The following FRYL variants were observed in gnomAD, a reference collection of about 807,000 sequenced individuals.
FRYL encodes protein furry homolog-like.
In FRYL, 150 loss-of-function variants were observed where a neutral mutation model predicts 351.2. The observed-to-expected ratio is 0.43, with a 90% CI of 0.37 to 0.49. The LOEUF is 0.49. Ranked by LOEUF, FRYL falls within the 20% of genes least tolerant of loss-of-function variation. The pLI is 0.00. For synonymous variants in FRYL, 1,153 were observed against 1,257.1 expected, an observed-to-expected ratio of 0.92 and a Z score of 1.75; for missense variants, 3,036 against 3,619.3, an observed-to-expected ratio of 0.84 and a Z score of 4.13.
At chr4:48,579,585 CT>C (rs1435914052) in intron 22 of FRYL, among the ~76,000 whole-genome samples, 6 of 152,166 alleles carry the variant, frequency 3.9e-5, no homozygotes, top group Non-Finnish European at 8.8e-5. Context: ...GAACCATTAA[CT>C]TTCATGTTGA....
At chr4:48,759,086 T>C (rs1774138121) in intron 1 of FRYL, among the ~76,000 whole-genome samples, 1 of 151,640 alleles carries the variant, frequency 6.6e-6, no homozygotes. Context: ...TGTCATGGCG[T>C]TGGGGGAAGG....
At chr4:48,541,042 AAT>A in intron 45 of FRYL, 82 bp from the exon 46 acceptor site, 1 of 1,306,498 alleles carries the variant, frequency 7.7e-7, no homozygotes, top group Non-Finnish European at 1.0e-6. Context: ...AACACTGAAA[AAT>A]AGTAACTGGT....
At chr4:48,561,324 T>C in intron 33 of FRYL, 144 bp downstream of exon 33, 1 of 515,278 alleles carries the variant, frequency 1.9e-6, no homozygotes, top group Non-Finnish European at 3.2e-6. Context: ...TTAAGAGTTC[T>C]TATTGAAGAA....
chr4:48,645,968 T>C (rs1307417960), intron 3 of FRYL: 5 of 152,192 alleles, frequency 3.3e-5, no homozygotes, highest in Non-Finnish European at 7.3e-5. Flanking sequence ...ACGATATTAC[T>C]AAGGCTATGT....
At chr4:48,581,273 G>T in intron 21 of FRYL, 147 bp downstream of exon 21, 1 of 616,046 alleles carries the variant, frequency 1.6e-6, no homozygotes. Context: ...TCCTGATCTC[G>T]TGATCCGCCC....
intron 2 of FRYL, among the ~76,000 whole-genome samples, chr4:48,701,197 T>C (rs1766676770): frequency 6.6e-6 from 1 of 152,204 alleles, no homozygotes; most frequent in African/African-American, 2.4e-5. Flanking sequence ...ATTATTATCA[T>C]CGCCCAACTC....
At chr4:48,663,940 T>C (rs1053488590) in intron 3 of FRYL, among the ~76,000 whole-genome samples, 12 of 152,088 alleles carry the variant, frequency 7.9e-5, no homozygotes, top group African/African-American at 2.9e-4. Flanking sequence ...GGGGATATAC[T>C]CACAGAGGAA....
intron 28 of FRYL, among the ~76,000 whole-genome samples, chr4:48,566,364 T>C (rs1430272928): frequency 1.3e-5 from 2 of 152,224 alleles, no homozygotes; most frequent in Non-Finnish European, 2.9e-5. Flanking sequence ...TCTCTACATC[T>C]ATCCTTCTTG....
chr4:48,607,918 C>A (rs1462165538), intron 9 of FRYL, among the ~76,000 whole-genome samples: 1 of 152,026 alleles, frequency 6.6e-6, no homozygotes, highest in African/African-American at 2.4e-5. Context: ...GGTCTATATT[C>A]CTGAGACAGA....
intron 4 of FRYL, among the ~76,000 whole-genome samples, chr4:48,630,506 A>G (rs1464714017): frequency 1.3e-5 from 2 of 152,228 alleles, no homozygotes; most frequent in East Asian, 3.8e-4. Flanking sequence ...AGTCCCCAGC[A>G]ATCTAAAAGA....
rs1309791692 is a variant in FRYL, at chr4:48,606,532, A to G, written c.647T>C (p.Val216Ala). The change falls in exon 10 of 64, where the codon GTA becomes GCA. Residue 216 changes from valine (V) to alanine (A), a missense_variant. Physicochemically the swap from Val to Ala is moderately conservative, Grantham distance 64. Around this residue, in one of 7 missense-constraint regions of FRYL, gnomAD observed 457 missense variants for 566.6 expected, o/e 0.81. Transcript: ENST00000358350. ...LRQKEQSPHVVQSVISLIMGM... is the reference protein window; with the variant it reads ...LRQKEQSPHVAQSVISLIMGM... ...CATTATTAAGCTGATGACACTTTGT[A>G]CCACATGTGGGCTTTGTTCCTTTTG... is the stretch of plus-strand genomic sequence containing the variant. 6.2e-7 allele frequency: 1 copy of G among 1,613,424 alleles called. No homozygotes were observed. Among genetic ancestry groups the G allele is most frequent in the South Asian group, 1.1e-5 (1 of 91,042 alleles).
At chr4:48,670,260 C>T (rs1353354266) in intron 3 of FRYL, among the ~76,000 whole-genome samples, 1 of 151,756 alleles carries the variant, frequency 6.6e-6, no homozygotes. Flanking sequence ...ATGGTGAAAC[C>T]CATCTCTACT....
At chr4:48,581,917 C>T (rs1360209256) in intron 20 of FRYL, among the ~76,000 whole-genome samples, 4 of 152,206 alleles carry the variant, frequency 2.6e-5, no homozygotes, top group Non-Finnish European at 1.5e-5. Flanking sequence ...ATCTTTCACA[C>T]TCAGAGTGTG....
intron 3 of FRYL, among the ~76,000 whole-genome samples, chr4:48,674,231 GA>G (rs1763180432): frequency 6.6e-6 from 1 of 152,012 alleles, no homozygotes. Flanking sequence ...AGTACATTCT[GA>G]ATCAGTAAAT....
chr4:48,610,923 C>A (rs1748043827), intron 7 of FRYL, among the ~76,000 whole-genome samples: 1 of 151,208 alleles, frequency 6.6e-6, no homozygotes, highest in African/African-American at 2.4e-5. Flanking sequence ...CATTTCAATT[C>A]AGATTTTCAA....
intron 59 of FRYL, 196 bp from the exon 60 acceptor site, chr4:48,505,811 G>C (rs1029154653): frequency 6.0e-6 from 3 of 499,432 alleles, no homozygotes; most frequent in Non-Finnish European, 7.0e-6. Flanking sequence ...AATGTAACAA[G>C]AGGCACACAC....
chr4:48,581,019 A>G, intron 21 of FRYL, 68 bp from the exon 22 acceptor site: 1 of 949,464 alleles, frequency 1.1e-6, no homozygotes, highest in Non-Finnish European at 1.6e-6. Flanking sequence ...AACCCAAGTA[A>G]ACACTAAAAA....
At position 48,548,730 on chromosome 4, in the gene FRYL, CCATTCCACCTTCACA is replaced by C; in HGVS notation, c.4833_4847del (p.Ser1611_Trp1616delinsArg). Reference sequence around the variant, plus strand: ...GAAGAAGAAGATGGAGGTAGCTTCCCCATTCCACCTTCACACTATGATCAATGATGAGATCAGTCA... The same window carrying C: ...GAAGAAGAAGATGGAGGTAGCTTCCCCTATGATCAATGATGAGATCAGTCA... On this transcript the variant is annotated inframe_deletion, in exon 40 of 64. Transcript: ENST00000358350. 1 of 1,610,780 alleles carries C rather than the reference CCATTCCACCTTCACA, an allele frequency of 6.2e-7. No homozygotes were observed. Among genetic ancestry groups the C allele is most frequent in the Non-Finnish European group, 8.5e-7 (1 of 1,177,224 alleles).
rs1718731336 is a variant in FRYL at position 48,497,710 on chromosome 4, AT to A, written c.*1711del. The A allele has an allele frequency of 2.0e-5, 3 of 152,638 alleles. No individual in the cohort carries two copies. Among genetic ancestry groups the A allele is most frequent in the Admixed American group, 2.0e-4 (3 of 15,272 alleles). 9.5% of individuals were successfully genotyped at this position (152,638 alleles called of 1,614,324 possible). ...GCCCCACACCCAAAAGTTTTAAATA[AT>A]TTAAAGGATACCAATTACAGTACCA... On this transcript the variant is annotated 3_prime_UTR_variant, in exon 64 of 64. Transcript: ENST00000358350.
Sources: allele counts gnomAD v4.1 joint callset (sites outside exome capture counted in the v4.1 genomes callset), GRCh38; gene constraint gnomAD v4.1.1; regional missense constraint gnomAD v4.1.1; transcripts MANE v1.5; gene names NCBI Gene and HGNC (gene_info 2026-07-23, HGNC 2026-07-21).